PLEKHA5: variants seen among roughly 807,000 people sequenced by gnomAD.
The protein encoded by PLEKHA5 is pleckstrin homology domain-containing family A member 5.
PLEKHA5 carries 55 observed loss-of-function variants against 181.9 expected under a neutral mutation model. That is an observed-to-expected ratio of 0.30 (90% confidence interval 0.24 to 0.38). PLEKHA5 has a LOEUF of 0.38. Ranked by LOEUF, PLEKHA5 falls within the 10% of genes least tolerant of loss-of-function variation. PLEKHA5 has a pLI of 1.00. For missense variants in PLEKHA5, 1,432 were observed against 1,549.5 expected, an observed-to-expected ratio of 0.92 and a Z score of 1.27; for synonymous variants, 535 against 529.4, an observed-to-expected ratio of 1.01 and a Z score of -0.15.
intron 22 of PLEKHA5, among the ~76,000 whole-genome samples, chr12:19,344,585 G>C (rs1484283214): frequency 2.0e-5 from 3 of 152,210 alleles, no homozygotes; most frequent in African/African-American, 7.2e-5. Flanking sequence ...ACATATGTTA[G>C]TACTTAATGG....
At chr12:19,326,228 G>T (rs1047985142) in intron 20 of PLEKHA5, among the ~76,000 whole-genome samples, 2 of 152,006 alleles carry the variant, frequency 1.3e-5, no homozygotes, top group African/African-American at 4.8e-5. Flanking sequence ...TGTTATTTGT[G>T]CCTTTATGTA....
intron 3 of PLEKHA5, among the ~76,000 whole-genome samples, chr12:19,148,863 C>T (rs1198919580): frequency 6.6e-6 from 1 of 152,120 alleles, no homozygotes; most frequent in Non-Finnish European, 1.5e-5. Context: ...CACACCTAGT[C>T]ATCTGGATTT....
At chr12:19,323,675 G>A (rs1474091404) in intron 20 of PLEKHA5, among the ~76,000 whole-genome samples, 2 of 151,844 alleles carry the variant, frequency 1.3e-5, no homozygotes, top group African/African-American at 4.8e-5. Flanking sequence ...AATTAGCTGG[G>A]TGTGGTGGCA....
At chr12:19,278,105 C>G (rs1254239674) in intron 11 of PLEKHA5, among the ~76,000 whole-genome samples, 1 of 152,058 alleles carries the variant, frequency 6.6e-6, no homozygotes, top group Non-Finnish European at 1.5e-5. Context: ...TCTCAAAGTG[C>G]TAGAAATATA....
At chr12:19,342,509 A>C (rs147905411) in intron 21 of PLEKHA5, among the ~76,000 whole-genome samples, 40 of 152,258 alleles carry the variant, frequency 2.6e-4, no homozygotes, top group African/African-American at 9.4e-4. Flanking sequence ...ATACAAAATT[A>C]GCCGGGTGTG....
intron 26 of PLEKHA5, among the ~76,000 whole-genome samples, chr12:19,357,245 C>G (rs2094987370): frequency 7.5e-6 from 1 of 133,968 alleles, no homozygotes; most frequent in African/African-American, 2.7e-5. Context: ...CTGCCATATT[C>G]TTTATATTCT....
chr12:19,164,740 C>T (rs1192656799), intron 3 of PLEKHA5, among the ~76,000 whole-genome samples: 1 of 152,070 alleles, frequency 6.6e-6, no homozygotes, highest in Non-Finnish European at 1.5e-5. Flanking sequence ...TGCTTATTCT[C>T]GATATCTGTT....
chr12:19,365,424 G>C (rs2095397372), intron 29 of PLEKHA5, among the ~76,000 whole-genome samples: 1 of 151,646 alleles, frequency 6.6e-6, no homozygotes, highest in Non-Finnish European at 1.5e-5. Flanking sequence ...ACAATCATCA[G>C]AATCCAGAAT....
At position 19,144,605 on chromosome 12, in the gene PLEKHA5, C is replaced by G. The variant is rs566962372; in HGVS notation, c.227+12155C>G. Among the ~76,000 whole-genome samples the G allele has an allele frequency of 2.0e-5, 3 of 152,292 alleles. No homozygotes were observed. In the South Asian group the frequency reaches 6.2e-4, roughly 32 times the overall value. Reference sequence around the variant, plus strand: ...GGAGTGTGGGACGTAATGTAATGGACAGCCAGAGATGATAAATAAGTTTCA... The same window carrying G: ...GGAGTGTGGGACGTAATGTAATGGAGAGCCAGAGATGATAAATAAGTTTCA... On this transcript the variant is annotated intron_variant, in intron 3 of 31. Transcript: ENST00000429027.
Position 19,343,367 on chromosome 12 carries a change from T to C in PLEKHA5, c.2595T>C (p.Leu865=), listed in dbSNP as rs200396755. The C allele has an allele frequency of 1.5e-4, 239 of 1,613,960 alleles. No homozygotes were observed. In the East Asian group the frequency reaches 4.9e-3, roughly 33 times the overall value. The part of the protein sequence containing the change: ...GIQRAQIQKE[L]WRIQDVMEGL... Reference sequence around the variant, plus strand: ...AGCGTGCACAGATTCAGAAAGAACTTTGGCGAATTCAGGATGTCATGGAAG... The same window carrying C: ...AGCGTGCACAGATTCAGAAAGAACTCTGGCGAATTCAGGATGTCATGGAAG... The change falls in exon 22 of 32, where the codon CTT becomes CTC. Residue 865 remains leucine, a synonymous_variant. Coordinates refer to ENST00000429027, the MANE Select transcript of PLEKHA5 (RefSeq NM_001256470.2).
intron 3 of PLEKHA5, among the ~76,000 whole-genome samples, chr12:19,225,767 G>A (rs980589826): frequency 5.3e-5 from 8 of 152,290 alleles, no homozygotes; most frequent in Admixed American, 3.9e-4. Context: ...AGTTGGATGT[G>A]CAGTTTGGCA....
intron 6 of PLEKHA5, among the ~76,000 whole-genome samples, chr12:19,259,719 C>G (rs1282685158): frequency 1.3e-5 from 2 of 151,024 alleles, no homozygotes; most frequent in African/African-American, 4.9e-5. Flanking sequence ...GCACTACACA[C>G]CATCCTGGGT....
chr12:19,332,720 A>G (rs2092969249), intron 20 of PLEKHA5, among the ~76,000 whole-genome samples: 1 of 152,192 alleles, frequency 6.6e-6, no homozygotes. Context: ...CTGGAGTACA[A>G]TGGCACAATC....
At chr12:19,193,950 T>C (rs1325422794) in intron 3 of PLEKHA5, among the ~76,000 whole-genome samples, 3 of 151,864 alleles carry the variant, frequency 2.0e-5, no homozygotes, top group Non-Finnish European at 4.4e-5. Context: ...CCTCACACTT[T>C]TAACAACCAG....
chr12:19,130,029 G>A lies in PLEKHA5; in HGVS notation c.90-22G>A, dbSNP rs1394205677. 3 of 1,562,086 alleles carry A rather than the reference G, an allele frequency of 1.9e-6. No individual in the cohort carries two copies. The African/African-American group carries it at 4.1e-5, about 21-fold the overall frequency. ...GCGTCCCCTCTCACGCTCCGTGTCT[G>A]CCCCTTCTCTCACCCCTGCAGCGAG... On this transcript the variant is annotated intron_variant, in intron 1 of 31. Coordinates refer to ENST00000429027, the MANE Select transcript of PLEKHA5 (RefSeq NM_001256470.2). The surrounding 1 kb of genome is among the most constrained non-coding windows in gnomAD (Gnocchi z 4.5).
chr12:19,306,887 A>G (rs752858429), intron 15 of PLEKHA5: 22 of 804,360 alleles, frequency 2.7e-5, no homozygotes, highest in Middle Eastern at 2.3e-4. Flanking sequence ...TGATAAGGCT[A>G]AGGCTTGTCT....
At chr12:19,137,265 G>A (rs1305457173) in intron 3 of PLEKHA5, among the ~76,000 whole-genome samples, 1 of 152,124 alleles carries the variant, frequency 6.6e-6, no homozygotes, top group African/African-American at 2.4e-5. Context: ...TCAAACTCCT[G>A]ACCTCAGGTG....
At position 19,369,720 on chromosome 12, in the gene PLEKHA5, C is replaced by G; in HGVS notation, c.3782C>G (p.Ser1261Cys). The change falls in exon 31 of 32, where the codon TCC (serine) becomes TGC (cysteine). Residue 1261 changes from serine to cysteine, a missense_variant. By Grantham distance (112) the Ser-to-Cys change is moderately radical. This residue lies in a region of PLEKHA5 where 1,143 missense variants were observed against 1,168.4 expected (regional missense o/e 0.98). Transcript: ENST00000429027. ...AVKSLSPSPESSASPVPSTQP... is the reference protein window; with the variant it reads ...AVKSLSPSPECSASPVPSTQP... Reference sequence around the variant, plus strand: ...AAAAGTCTGTCCCCATCTCCTGAGTCCTCGGCATCGCCAGTTCCATCCACT... The same window carrying G: ...AAAAGTCTGTCCCCATCTCCTGAGTGCTCGGCATCGCCAGTTCCATCCACT... 7.4e-6 allele frequency: 12 copies of G among 1,612,224 alleles called. No individual in the cohort carries two copies. Among genetic ancestry groups the G allele is most frequent in the Non-Finnish European group, 9.3e-6 (11 of 1,178,992 alleles).
At chr12:19,284,161 C>T (rs528209020) in intron 12 of PLEKHA5, among the ~76,000 whole-genome samples, 120 of 152,186 alleles carry the variant, frequency 7.9e-4, no homozygotes, top group African/African-American at 2.7e-3. Context: ...CTCTGCCTCC[C>T]GGGCTCAAGC....
Sources: allele counts gnomAD v4.1 joint callset (sites outside exome capture counted in the v4.1 genomes callset), GRCh38; gene constraint gnomAD v4.1.1; regional missense constraint gnomAD v4.1.1; non-coding constraint Gnocchi (gnomAD v3.1); transcripts MANE v1.5; gene names NCBI Gene and HGNC (gene_info 2026-07-23, HGNC 2026-07-21).